SORCS1: variants seen among roughly 807,000 people sequenced by gnomAD.
SORCS1 encodes the protein VPS10 domain-containing receptor SorCS1.
A neutral mutation model predicts 146.1 loss-of-function variants in SORCS1; 60 were observed. The ratio of observed to expected loss-of-function variants is 0.41; its 90% CI spans 0.33 to 0.51. SORCS1 has a LOEUF of 0.51. Among genes scored for constraint, SORCS1 ranks in the 20% least tolerant of loss-of-function variants. The pLI is 0.21. For synonymous variants in SORCS1, 637 were observed against 584.0 expected, an observed-to-expected ratio of 1.09 and a Z score of -1.31; for missense variants, 1,352 against 1,487.6, an observed-to-expected ratio of 0.91 and a Z score of 1.50.
intron 1 of SORCS1, among the ~76,000 whole-genome samples, chr10:107,152,262 C>A (rs576080968): frequency 3.3e-4 from 50 of 152,286 alleles, no homozygotes; most frequent in African/African-American, 1.1e-3. Flanking sequence ...GATGTCCAGG[C>A]AGAAGTTTGC....
chr10:106,690,979 T>C (rs577229233), intron 9 of SORCS1, among the ~76,000 whole-genome samples: 1 of 152,244 alleles, frequency 6.6e-6, no homozygotes, highest in African/African-American at 2.4e-5. Flanking sequence ...CTGTAGGACT[T>C]TGGCTATCAA....
At chr10:106,656,328 A>T (rs1338000443) in intron 17 of SORCS1, among the ~76,000 whole-genome samples, 2 of 152,182 alleles carry the variant, frequency 1.3e-5, no homozygotes, top group East Asian at 3.9e-4. Context: ...AGGTGAGCAG[A>T]TCATGAGGTC....
At chr10:107,072,753 A>G (rs1417668910) in intron 1 of SORCS1, among the ~76,000 whole-genome samples, 1 of 145,526 alleles carries the variant, frequency 6.9e-6, no homozygotes, top group Non-Finnish European at 1.5e-5. Context: ...AAAAAAGAAA[A>G]AAAAAAGAAC....
chr10:106,733,955 A>C (rs1856782921), intron 5 of SORCS1, among the ~76,000 whole-genome samples: 1 of 152,152 alleles, frequency 6.6e-6, no homozygotes, highest in Non-Finnish European at 1.5e-5. Context: ...GTCTTTTATC[A>C]CTGAACTCTC....
intron 2 of SORCS1, among the ~76,000 whole-genome samples, chr10:106,851,171 G>A (rs1949555774): frequency 6.6e-6 from 1 of 151,972 alleles, no homozygotes; most frequent in Non-Finnish European, 1.5e-5. Flanking sequence ...CATTCTATTG[G>A]TATTATCATT....
At chr10:106,874,975 T>G (rs1950544283) in intron 2 of SORCS1, among the ~76,000 whole-genome samples, 1 of 152,220 alleles carries the variant, frequency 6.6e-6, no homozygotes, top group South Asian at 2.1e-4. Context: ...TTATTTTATT[T>G]AAATAGCTTT....
chr10:106,624,501 C>CAAAAAAAAGATA (rs1228060434), intron 19 of SORCS1, among the ~76,000 whole-genome samples: 137 of 151,972 alleles, frequency 9.0e-4, no homozygotes, highest in Non-Finnish European at 1.6e-3. Context: ...GCTGGGATTA[C>CAAAAAAAAGATA]AGGCGCCTGC....
chr10:107,069,193 A>G (rs1962199723), intron 1 of SORCS1, among the ~76,000 whole-genome samples: 1 of 152,112 alleles, frequency 6.6e-6, no homozygotes, highest in South Asian at 2.1e-4. Context: ...GTCATCCCGG[A>G]TATGCATTGA....
intron 1 of SORCS1, among the ~76,000 whole-genome samples, chr10:107,101,787 T>C (rs532664846): frequency 7.3e-5 from 11 of 150,080 alleles, no homozygotes; most frequent in African/African-American, 2.7e-4. Flanking sequence ...GTGTTTCTGT[T>C]TGGGGAGAGT....
intron 2 of SORCS1, among the ~76,000 whole-genome samples, chr10:106,896,663 G>A (rs916383299): frequency 6.6e-6 from 1 of 151,446 alleles, no homozygotes; most frequent in Admixed American, 6.6e-5. Context: ...TTTTTACATT[G>A]TTTTACAAAA....
At chr10:106,591,403 G>A (rs992806337) in intron 24 of SORCS1, among the ~76,000 whole-genome samples, 4 of 152,168 alleles carry the variant, frequency 2.6e-5, no homozygotes, top group Non-Finnish European at 5.9e-5. Context: ...TTGTGTAAAT[G>A]AATGCAAGTC....
chr10:106,679,238 C>G lies in SORCS1; in HGVS notation c.1740+18G>C, dbSNP rs370947737. The G allele has an allele frequency of 1.3e-6, 2 of 1,597,510 alleles. No individual in the cohort carries two copies. Among genetic ancestry groups the G allele is most frequent in the Admixed American group, 1.7e-5 (1 of 57,234 alleles). On this transcript the variant is annotated intron_variant, in intron 12 of 25. Transcript: ENST00000263054. The stretch of plus-strand genomic sequence containing the variant: ...TGTTACTTAAACTTCAGCGATTTGA[C>G]CCAGGGTATTTTCTTACCTGTCTCC...
At chr10:106,753,442 T>C (rs558111873) in intron 5 of SORCS1, among the ~76,000 whole-genome samples, 71 of 152,006 alleles carry the variant, frequency 4.7e-4, no homozygotes, top group African/African-American at 1.7e-3. Flanking sequence ...TATCAAACAA[T>C]AATAAGAGGG....
chr10:107,064,935 A>G (rs1961591345), intron 1 of SORCS1, among the ~76,000 whole-genome samples: 1 of 152,148 alleles, frequency 6.6e-6, no homozygotes, highest in Admixed American at 6.6e-5. Flanking sequence ...GACACCATCT[A>G]AATAGTGGCA....
intron 1 of SORCS1, among the ~76,000 whole-genome samples, chr10:107,141,248 G>T (rs1304774630): frequency 6.6e-6 from 1 of 152,182 alleles, no homozygotes; most frequent in South Asian, 2.1e-4. Flanking sequence ...AACCCCCTGG[G>T]CTAAGTTTTA....
intron 14 of SORCS1, among the ~76,000 whole-genome samples, chr10:106,674,447 C>T (rs1428797404): frequency 1.3e-5 from 2 of 148,956 alleles, no homozygotes; most frequent in East Asian, 4.1e-4. Flanking sequence ...ACTTTATAAC[C>T]TTCCCTTTCT....
chr10:106,782,685 A>G (rs1021742159), intron 3 of SORCS1, among the ~76,000 whole-genome samples: 4 of 152,264 alleles, frequency 2.6e-5, no homozygotes, highest in African/African-American at 7.2e-5. Flanking sequence ...ACTACTGAAC[A>G]TAGTCTTCTC....
chr10:106,723,313 A>G (rs1308165529), intron 6 of SORCS1, among the ~76,000 whole-genome samples: 2 of 152,208 alleles, frequency 1.3e-5, no homozygotes, highest in Non-Finnish European at 2.9e-5. Flanking sequence ...ACACACACAC[A>G]TACACAAATG....
intron 1 of SORCS1, among the ~76,000 whole-genome samples, chr10:107,018,196 A>C (rs1188274377): frequency 1.3e-5 from 2 of 151,442 alleles, no homozygotes; most frequent in Non-Finnish European, 2.9e-5. Context: ...TTTTTCGGAG[A>C]CGGAGTCCCG....
Sources: allele counts gnomAD v4.1 joint callset (sites outside exome capture counted in the v4.1 genomes callset), GRCh38; gene constraint gnomAD v4.1.1; transcripts MANE v1.5; gene names NCBI Gene and HGNC (gene_info 2026-07-23, HGNC 2026-07-21).